The following UBASH3B variants were observed in gnomAD, a reference collection of about 807,000 sequenced individuals.
The protein encoded by UBASH3B is ubiquitin-associated and SH3 domain-containing protein B.
UBASH3B carries 37 observed loss-of-function variants against 83.4 expected under a neutral mutation model. The observed-to-expected ratio is 0.44, with a 90% CI of 0.34 to 0.58. The LOEUF is 0.58. Among genes scored for constraint, UBASH3B ranks in the 20% least tolerant of loss-of-function variants. UBASH3B has a pLI of 0.01. For synonymous variants in UBASH3B, 304 were observed against 318.3 expected, an observed-to-expected ratio of 0.96 and a Z score of 0.48; for missense variants, 657 against 827.2, an observed-to-expected ratio of 0.79 and a Z score of 2.52.
chr11:122,721,134 A>C (rs915922347), intron 1 of UBASH3B, among the ~76,000 whole-genome samples: 1 of 150,486 alleles, frequency 6.6e-6, no homozygotes, highest in Non-Finnish European at 1.5e-5. Context: ...AGTCCCAGCT[A>C]CTCTGGAGGC....
intron 9 of UBASH3B, among the ~76,000 whole-genome samples, chr11:122,798,636 G>C (rs952874687): frequency 1.3e-5 from 2 of 149,908 alleles, no homozygotes; most frequent in African/African-American, 2.5e-5. Flanking sequence ...GCTTGAACCC[G>C]GGAGGCAGAG....
chr11:122,661,300 A>G (rs561595009), intron 1 of UBASH3B, among the ~76,000 whole-genome samples: 1 of 152,306 alleles, frequency 6.6e-6, no homozygotes, highest in South Asian at 2.1e-4. Context: ...TCACTGCCCA[A>G]AGATAAAAGC....
intron 6 of UBASH3B, among the ~76,000 whole-genome samples, chr11:122,792,227 C>T (rs1000824436): frequency 1.1e-4 from 16 of 151,614 alleles, no homozygotes; most frequent in African/African-American, 3.6e-4. Flanking sequence ...CAGATATGTA[C>T]AAGAACGATT....
chr11:122,795,376 G>A (rs1254030435), intron 7 of UBASH3B, among the ~76,000 whole-genome samples: 2 of 152,142 alleles, frequency 1.3e-5, no homozygotes, highest in Non-Finnish European at 2.9e-5. Flanking sequence ...AAAGAGATGG[G>A]AAGGATCATG....
chr11:122,796,846 C>T (rs1340524884), intron 8 of UBASH3B, 65 bp from the exon 9 acceptor site: 2 of 1,610,444 alleles, frequency 1.2e-6, no homozygotes, highest in Non-Finnish European at 1.7e-6. Flanking sequence ...GTGTCAGGAT[C>T]AGTAAGGGAG....
chr11:122,788,833 A>G (rs777772172), intron 5 of UBASH3B, among the ~76,000 whole-genome samples: 15 of 152,272 alleles, frequency 9.9e-5, no homozygotes, highest in South Asian at 4.1e-4. Context: ...CAAAAACGAT[A>G]CTTGAATCCT....
At chr11:122,729,795 C>CAAAAAAAAAA (rs71054092) in intron 1 of UBASH3B, among the ~76,000 whole-genome samples, 1 of 40,900 alleles carries the variant, frequency 2.4e-5, no homozygotes, top group Non-Finnish European at 4.1e-5. Flanking sequence ...CCTATCTCTA[C>CAAAAAAAAAA]AAAAAAAAAA....
In UBASH3B at chr11:122,811,190, A is replaced by G. The variant is rs530499851; in HGVS notation, c.*1304A>G. On this transcript the variant is annotated 3_prime_UTR_variant, in exon 14 of 14. Transcript: ENST00000284273. ...AATCATCAGTTATCAATGTCTGTTT[A>G]ATTGTGTGACTATCTGACTGTTGAT... 26 of 152,758 alleles carry G rather than the reference A, an allele frequency of 1.7e-4. No individual in the cohort carries two copies. The highest frequency in any genetic ancestry group is 6.3e-4 in the African/African-American group (26 of 41,570). 9.5% of individuals were successfully genotyped at this position (152,758 alleles called of 1,614,324 possible). A position where few individuals can be genotyped will look rare whatever the true frequency, so the allele number is the denominator to read the frequency against.
At chr11:122,720,981 C>G (rs1237773910) in intron 1 of UBASH3B, among the ~76,000 whole-genome samples, 2 of 151,824 alleles carry the variant, frequency 1.3e-5, no homozygotes, top group Admixed American at 6.6e-5. Flanking sequence ...CGCGGTGGCT[C>G]ACGCCTGTAA....
Position 122,733,169 on chromosome 11 carries a change from A to G in UBASH3B, c.162-43050A>G, listed in dbSNP as rs139051123. Among the ~76,000 whole-genome samples the G allele has an allele frequency of 6.0e-3, 909 of 152,200 alleles. 5 individuals carry two copies. The highest frequency in any genetic ancestry group is 0.02 in the African/African-American group (843 of 41,510). ...AGTGTAGAGGTGGGGTGTTGGCTTCATACACAGCAGAGAATGTTTCCCTCC... is the reference window on the plus strand; with the variant it reads ...AGTGTAGAGGTGGGGTGTTGGCTTCGTACACAGCAGAGAATGTTTCCCTCC... On this transcript the variant is annotated intron_variant, in intron 1 of 13. Transcript: ENST00000284273.
intron 1 of UBASH3B, among the ~76,000 whole-genome samples, chr11:122,736,470 C>G (rs1321299114): frequency 6.6e-6 from 1 of 151,646 alleles, no homozygotes; most frequent in Non-Finnish European, 1.5e-5. Flanking sequence ...ACAGATAAAA[C>G]TCTAAATACT....
intron 1 of UBASH3B, among the ~76,000 whole-genome samples, chr11:122,723,460 A>G (rs1052463174): frequency 2.6e-5 from 4 of 152,198 alleles, no homozygotes; most frequent in African/African-American, 9.6e-5. Flanking sequence ...CAGTTGTCCC[A>G]GGGGTGTTGG....
intron 6 of UBASH3B, among the ~76,000 whole-genome samples, chr11:122,791,137 T>C (rs1591815611): frequency 6.6e-6 from 1 of 152,244 alleles, no homozygotes; most frequent in African/African-American, 2.4e-5. Flanking sequence ...AATGATGTCA[T>C]GTCTCTGAGA....
At chr11:122,719,954 C>G (rs1489658213) in intron 1 of UBASH3B, among the ~76,000 whole-genome samples, 9 of 152,192 alleles carry the variant, frequency 5.9e-5, no homozygotes, top group Admixed American at 5.9e-4. Flanking sequence ...GCAGTGCCTG[C>G]TTCTGCTCCA....
chr11:122,713,151 C>T (rs1864222749), intron 1 of UBASH3B, among the ~76,000 whole-genome samples: 1 of 151,956 alleles, frequency 6.6e-6, no homozygotes, highest in Admixed American at 6.6e-5. Flanking sequence ...TTGTGATCCG[C>T]CCACTTCGGC....
At chr11:122,692,457 G>A (rs1863908187) in intron 1 of UBASH3B, among the ~76,000 whole-genome samples, 1 of 152,186 alleles carries the variant, frequency 6.6e-6, no homozygotes, top group Non-Finnish European at 1.5e-5. Context: ...CCGAATTACA[G>A]CAGCATAGAA....
chr11:122,763,660 G>A (rs554389171), intron 1 of UBASH3B, among the ~76,000 whole-genome samples: 44 of 152,228 alleles, frequency 2.9e-4, no homozygotes, highest in Non-Finnish European at 4.1e-4. Flanking sequence ...GGGATGTGCA[G>A]CTCTCACACT....
intron 1 of UBASH3B, among the ~76,000 whole-genome samples, chr11:122,751,134 A>G (rs1344119998): frequency 6.6e-6 from 1 of 152,140 alleles, no homozygotes; most frequent in East Asian, 1.9e-4. Context: ...GGGAAAGTGC[A>G]TAATTTATTG....
chr11:122,768,464 A>G (rs1591805016), intron 1 of UBASH3B, among the ~76,000 whole-genome samples: 1 of 118,624 alleles, frequency 8.4e-6, no homozygotes, highest in South Asian at 2.8e-4. Flanking sequence ...ATAGAGATAT[A>G]TATGTATGTG....
Sources: gnomAD v4.1 joint callset for allele counts (sites outside exome capture counted in the v4.1 genomes callset) on GRCh38, gnomAD v4.1.1 for gene constraint, MANE v1.5 for transcripts, NCBI Gene and HGNC (gene_info 2026-07-23, HGNC 2026-07-21) for gene names.